Variants in TEX101 observed in about 807,000 individuals in gnomAD.
The protein encoded by TEX101 is testis-expressed protein 101.
TEX101 carries 10 observed loss-of-function variants against 18.1 expected under a neutral mutation model. The observed-to-expected ratio is 0.55, with a 90% CI of 0.34 to 0.94. The LOEUF (loss-of-function observed/expected upper bound fraction) is 0.94, where lower values mean the gene tolerates loss of function less well. Ranked by LOEUF, TEX101 falls within the 40% of genes least tolerant of loss-of-function variation. The pLI, the probability that TEX101 is intolerant of heterozygous loss-of-function variation, is 0.02. For missense variants in TEX101, 259 were observed against 298.9 expected (o/e 0.87, Z 0.98); for synonymous variants, 94 against 114.8 (o/e 0.82, Z 1.16).
the TEX101 span, among the ~76,000 whole-genome samples, chr19:43,391,217 A>G: frequency 6.6e-6 from 1 of 152,272 alleles, no homozygotes; most frequent in African/African-American, 2.4e-5. Flanking sequence ...AAGACATGCA[A>G]ATATCTGCTG....
At chr19:43,396,197 C>A in the TEX101 span, among the ~76,000 whole-genome samples, 1 of 152,182 alleles carries the variant, frequency 6.6e-6, no homozygotes, top group Non-Finnish European at 1.5e-5. Context: ...CCACCAGCAC[C>A]AAGTGGAGAG....
chr19:43,407,957 G>A (rs1970383627), intron 3 of TEX101, among the ~76,000 whole-genome samples: 1 of 152,150 alleles, frequency 6.6e-6, no homozygotes, highest in Non-Finnish European at 1.5e-5. Context: ...TTTCTCTGCA[G>A]CAGAGTGGCT....
chr19:43,410,679 GAT>G (rs1970410496), upstream of TEX101, among the ~76,000 whole-genome samples: 4 of 151,382 alleles, frequency 2.6e-5, no homozygotes, highest in African/African-American at 9.7e-5. Flanking sequence ...GAAGGAACCA[GAT>G]ACACACATGC....
chr19:43,409,938 G>A (rs899187608), upstream of TEX101, among the ~76,000 whole-genome samples: 1 of 152,190 alleles, frequency 6.6e-6, no homozygotes, highest in African/African-American at 2.4e-5. Context: ...CCAAGAGGCT[G>A]AAGTGGGAGG....
At chr19:43,409,026 T>C (rs533728314) in intron 3 of TEX101, among the ~76,000 whole-genome samples, 16 of 152,186 alleles carry the variant, frequency 1.1e-4, no homozygotes, top group Non-Finnish European at 2.1e-4. Context: ...ATTAGATTAA[T>C]TGGCTGACTA....
At position 43,416,215 on chromosome 19, in the gene TEX101, C is replaced by T. The variant is rs140331989; in HGVS notation, c.181C>T (p.Gln61Ter). 6.2e-7 allele frequency: 1 copy of T among 1,610,758 alleles called. No individual in the cohort carries two copies. The highest frequency in any genetic ancestry group is 8.5e-7 in the Non-Finnish European group (1 of 1,178,824). ...GACTTGTGACAAAGGGGCACTTTGC[C>T]AGGAAACCATACTAATAATTAAAGC... ...VETCDKGALC[Q>*]ETILIIKAGT... The change falls in exon 3 of 6, where the codon CAG (glutamine) becomes TAG (stop). Residue 61 changes from glutamine (Q) to a stop codon, truncating the protein, a stop_gained. Coordinates refer to ENST00000598265, the MANE Select transcript of TEX101 (RefSeq NM_001130011.3). LOFTEE classifies it high-confidence loss of function.
intron 2 of TEX101, among the ~76,000 whole-genome samples, chr19:43,403,969 G>A (rs1287166748): frequency 6.6e-6 from 1 of 151,752 alleles, no homozygotes; most frequent in Admixed American, 6.6e-5. Context: ...AAGCCAGGAG[G>A]TGGAGCGTGC....
At chr19:43,406,629 C>G in intron 3 of TEX101, 3 of 589,750 alleles carry the variant, frequency 5.1e-6, no homozygotes, top group Non-Finnish European at 3.1e-6. Flanking sequence ...CTTCTGGCGC[C>G]AAGCCTTAGC....
At chr19:43,393,094 A>AGGAAGGAG in the TEX101 span, among the ~76,000 whole-genome samples, 1 of 151,064 alleles carries the variant, frequency 6.6e-6, no homozygotes, top group African/African-American at 2.4e-5. Context: ...GAAGGAAGGA[A>AGGAAGGAG]GGAAGGAAGG....
chr19:43,416,997 C>G (rs957824587), intron 4 of TEX101, among the ~76,000 whole-genome samples: 4 of 145,436 alleles, frequency 2.8e-5, no homozygotes, highest in African/African-American at 1.0e-4. Flanking sequence ...CACACCACTG[C>G]ACTTCAGCCT....
the TEX101 span, among the ~76,000 whole-genome samples, chr19:43,391,387 C>G: frequency 6.8e-6 from 1 of 147,636 alleles, no homozygotes; most frequent in African/African-American, 2.5e-5. Flanking sequence ...CTTGCCAACA[C>G]TTGTTCTTTT....
the TEX101 span, among the ~76,000 whole-genome samples, chr19:43,391,146 A>G: frequency 1.3e-5 from 2 of 152,314 alleles, no homozygotes; most frequent in South Asian, 2.1e-4. Context: ...TCATTCACGG[A>G]TGGATGGACA....
rs1970475855 is a variant in TEX101, at chr19:43,416,253, A to T, written c.208+11A>T. 1 of 1,601,848 alleles carries T rather than the reference A, an allele frequency of 6.2e-7. No homozygotes were observed. The highest frequency in any genetic ancestry group is 8.5e-7 in the Non-Finnish European group (1 of 1,174,378). The stretch of plus-strand genomic sequence containing the variant: ...TAATAATTAAAGCAGGTGAAATGAG[A>T]TGGGGCATTTGGGCTGGGTAGGAGG... On this transcript the variant is annotated intron_variant, in intron 3 of 5. Transcript: ENST00000598265.
In TEX101 at chr19:43,415,984, G is replaced by A. The variant is rs1264821903; in HGVS notation, c.64+1G>A. 1.2e-6 allele frequency: 2 copies of A among 1,613,838 alleles called. No homozygotes were observed. Among genetic ancestry groups the A allele is most frequent in the Admixed American group, 1.7e-5 (1 of 59,964 alleles). On this transcript the variant is annotated splice_donor_variant, in intron 2 of 5. Transcript: ENST00000598265. LOFTEE classifies it high-confidence loss of function. ...GTCCTAGGAGCCTCCCTCCTGACCT[G>A]TGCGTATGGGGGACATAGGGGAGAG...
intron 1 of TEX101, among the ~76,000 whole-genome samples, chr19:43,402,406 G>C (rs537151682): frequency 6.6e-6 from 1 of 152,182 alleles, no homozygotes; most frequent in African/African-American, 2.4e-5. Context: ...AGTCAAAAGA[G>C]TGCCAAACCT....
At chr19:43,389,135 C>T in the TEX101 span, among the ~76,000 whole-genome samples, 1 of 152,340 alleles carries the variant, frequency 6.6e-6, no homozygotes, top group East Asian at 1.9e-4. Flanking sequence ...CCAGGACTTC[C>T]CGCCGGGAAC....
Position 43,408,017 on chromosome 19 carries a change from G to A in TEX101, c.15+1498G>A, listed in dbSNP as rs984648078. Among the ~76,000 whole-genome samples, 6 of 152,356 alleles carry A rather than the reference G, an allele frequency of 3.9e-5. No homozygotes were observed. The Middle Eastern group carries it at 0.01, about 259-fold the overall frequency. On this transcript the variant is annotated intron_variant, in intron 3 of 7. Coordinates refer to the TEX101 transcript ENST00000602198. Reference sequence around the variant, plus strand: ...TAGCCCTCCACACAGGCGTGTGTCCGCTTCGCAGCGTGTGTGCAGAGCCAT... The same window carrying A: ...TAGCCCTCCACACAGGCGTGTGTCCACTTCGCAGCGTGTGTGCAGAGCCAT...
At chr19:43,409,522 T>C (rs73563818) in intron 3 of TEX101, among the ~76,000 whole-genome samples, 2,141 of 151,912 alleles carry the variant, frequency 0.014, 58 homozygotes, top group African/African-American at 0.049. Flanking sequence ...AAGGGAAATA[T>C]TTTACATATA....
upstream of TEX101, among the ~76,000 whole-genome samples, chr19:43,410,295 T>TG (rs1970407062): frequency 6.6e-6 from 1 of 151,960 alleles, no homozygotes; most frequent in African/African-American, 2.4e-5. Context: ...TAGGAGTTTG[T>TG]GGGGTAAACA....
Sources: gnomAD v4.1 joint callset for allele counts (sites outside exome capture counted in the v4.1 genomes callset) on GRCh38, gnomAD v4.1.1 for gene constraint, MANE v1.5 for transcripts, NCBI Gene and HGNC (gene_info 2026-07-23, HGNC 2026-07-21) for gene names.